PASD1: variants seen among roughly 807,000 people sequenced by gnomAD.
The protein encoded by PASD1 is circadian clock protein PASD1.
A neutral mutation model predicts 58.8 loss-of-function variants in PASD1; 13 were observed. That is an observed-to-expected ratio of 0.22 (90% confidence interval 0.14 to 0.35). The LOEUF is 0.35. Ranked by LOEUF, PASD1 falls within the 10% of genes least tolerant of loss-of-function variation. The probability of loss-of-function intolerance (pLI) is 1.00; values close to 1 mark genes in which losing one functional copy is unlikely to be tolerated. For missense variants in PASD1, 734 were observed against 568.3 expected (o/e 1.29, Z -2.96); for synonymous variants, 236 against 216.7 (o/e 1.09, Z -0.78).
At chrX:151,601,967 A>G (rs2013422316) in intron 2 of PASD1, among the ~76,000 whole-genome samples, 1 of 112,477 alleles carries the variant, frequency 8.9e-6, no homozygotes. Context: ...ACTTTTCCAG[A>G]TCAAACTTCT....
chrX:151,632,266 C>A (rs1277317122), intron 8 of PASD1, among the ~76,000 whole-genome samples: 1 of 111,158 alleles, frequency 9.0e-6, no homozygotes, highest in African/African-American at 3.3e-5. Context: ...GAAAGGGCCT[C>A]AACAAGCAGG....
At chrX:151,673,628 A>G (rs2014505968) in intron 14 of PASD1, 2 of 357,813 alleles carry the variant, frequency 5.6e-6, no homozygotes, top group Non-Finnish European at 9.8e-6. Context: ...GTGCTTTCAA[A>G]GTAGGTGAAA....
At chrX:151,675,354 C>G (rs2014531530) in intron 15 of PASD1, among the ~76,000 whole-genome samples, 1 of 111,806 alleles carries the variant, frequency 8.9e-6, no homozygotes, top group African/African-American at 3.3e-5. Flanking sequence ...CTTCTGGCAC[C>G]TTTCTGCCTG....
rs2014350234 is a variant in PASD1 at position 151,664,280 on chromosome X, G to T, written c.1003G>T (p.Ala335Ser). Residue 335 changes from alanine (A) to serine (S), a missense_variant, in exon 11 of 16, where the codon GCA (alanine) becomes TCA (serine). Ala to Ser is a moderately conservative substitution (Grantham distance 99). Transcript: ENST00000370357. ...PENPVAPLDQAGLMDPVDPED... is the reference protein window; with the variant it reads ...PENPVAPLDQSGLMDPVDPED... ...GAACCCAGTTGCCCCGTTGGACCAG[G>T]CAGGCCTGATGGATCCAGTGGATCC... 1.7e-6 allele frequency: 2 copies of T among 1,211,596 alleles called. No homozygotes were observed. Among genetic ancestry groups the T allele is most frequent in the Non-Finnish European group, 2.2e-6 (2 of 895,463 alleles).
intron 10 of PASD1, among the ~76,000 whole-genome samples, chrX:151,663,051 C>G (rs1207287185): frequency 8.9e-6 from 1 of 111,958 alleles, no homozygotes; most frequent in Non-Finnish European, 1.9e-5. Context: ...GCCTCCTGAT[C>G]AATTTCTTTT....
chrX:151,569,260 G>A (rs1422352316), intron 1 of PASD1, among the ~76,000 whole-genome samples: 4 of 111,697 alleles, frequency 3.6e-5, no homozygotes, highest in Non-Finnish European at 7.5e-5. Flanking sequence ...GCTGCGTCAA[G>A]ATCACTTTGA....
At chrX:151,581,526 T>C (rs985899651) in intron 1 of PASD1, among the ~76,000 whole-genome samples, 1 of 110,740 alleles carries the variant, frequency 9.0e-6, no homozygotes, top group Admixed American at 9.7e-5. Context: ...GAGTTTGAGG[T>C]TGCAGTGAGC....
At chrX:151,602,873 C>G (rs1384467048) in intron 2 of PASD1, among the ~76,000 whole-genome samples, 1 of 111,930 alleles carries the variant, frequency 8.9e-6, no homozygotes, top group Non-Finnish European at 1.9e-5. Context: ...ACTCTGGGAT[C>G]TTGTCATCTC....
At chrX:151,642,413 A>G (rs2014009578) in intron 8 of PASD1, among the ~76,000 whole-genome samples, 2 of 112,379 alleles carry the variant, frequency 1.8e-5, no homozygotes, top group Non-Finnish European at 3.7e-5. Flanking sequence ...ATTATATGCA[A>G]TGACTACATT....
At chrX:151,574,517 A>C (rs774363055) in intron 1 of PASD1, among the ~76,000 whole-genome samples, 44 of 112,101 alleles carry the variant, frequency 3.9e-4, no homozygotes, top group African/African-American at 1.4e-3. Context: ...GTGAGAGTGC[A>C]TTCTACCTGA....
intron 11 of PASD1, among the ~76,000 whole-genome samples, chrX:151,666,354 T>G (rs1244363009): frequency 9.1e-6 from 1 of 110,421 alleles, no homozygotes; most frequent in African/African-American, 3.3e-5. Flanking sequence ...GGCCAATCAG[T>G]TGAGAAGTCT....
intron 1 of PASD1, among the ~76,000 whole-genome samples, chrX:151,585,253 T>C (rs1199037963): frequency 8.9e-6 from 1 of 112,349 alleles, no homozygotes; most frequent in African/African-American, 3.2e-5. Flanking sequence ...TACTACTTAC[T>C]AGCTGGTTGA....
chrX:151,618,626 G>T (rs1447871695), intron 4 of PASD1, among the ~76,000 whole-genome samples: 1 of 111,816 alleles, frequency 8.9e-6, no homozygotes, highest in Non-Finnish European at 1.9e-5. Flanking sequence ...ATAATAAACA[G>T]ATAACAAAAA....
intron 11 of PASD1, among the ~76,000 whole-genome samples, chrX:151,666,725 T>G (rs2014388060): frequency 1.0e-5 from 1 of 99,352 alleles, no homozygotes; most frequent in Non-Finnish European, 2.0e-5. Context: ...CATCATTTTT[T>G]ATGGCTGCAT....
intron 4 of PASD1, 82 bp downstream of exon 4, chrX:151,611,835 T>C: frequency 1.4e-6 from 1 of 720,914 alleles, no homozygotes; most frequent in Non-Finnish European, 2.0e-6. Flanking sequence ...TTTTTTATTA[T>C]ACTTTAAGTT....
intron 1 of PASD1, among the ~76,000 whole-genome samples, chrX:151,566,802 C>G (rs1005330840): frequency 4.5e-5 from 5 of 110,876 alleles, no homozygotes; most frequent in African/African-American, 9.8e-5. Context: ...CGCGGTGGCT[C>G]ATGCCTGTAA....
At chrX:151,658,147 C>T in intron 9 of PASD1, among the ~76,000 whole-genome samples, 1 of 111,901 alleles carries the variant, frequency 8.9e-6, no homozygotes, top group East Asian at 2.8e-4. Context: ...ACCCATGCCT[C>T]TCTTTTCAAA....
intron 1 of PASD1, among the ~76,000 whole-genome samples, chrX:151,581,962 T>C (rs1569398783): frequency 9.8e-6 from 1 of 102,206 alleles, no homozygotes; most frequent in African/African-American, 3.5e-5. Context: ...TAATATGTCC[T>C]TGAATCTTTT....
intron 13 of PASD1, 90 bp from the exon 14 acceptor site, chrX:151,672,093 C>T: frequency 4.6e-6 from 5 of 1,096,808 alleles, no homozygotes; most frequent in South Asian, 4.8e-5. Context: ...TCACCTTTTG[C>T]TTTGCGAGAA....
Sources: gnomAD v4.1 joint callset for allele counts (sites outside exome capture counted in the v4.1 genomes callset) on GRCh38, gnomAD v4.1.1 for gene constraint, MANE v1.5 for transcripts, NCBI Gene and HGNC (gene_info 2026-07-23, HGNC 2026-07-21) for gene names.